LRRC4C: variants seen among roughly 807,000 people sequenced by gnomAD.
LRRC4C encodes leucine-rich repeat-containing protein 4C.
A neutral mutation model predicts 33.6 loss-of-function variants in LRRC4C; 5 were observed. The ratio of observed to expected loss-of-function variants is 0.15; its 90% CI spans 0.08 to 0.31. LRRC4C has a LOEUF of 0.31. Among genes scored for constraint, LRRC4C ranks in the 10% least tolerant of loss-of-function variants. LRRC4C has a pLI of 1.00. For synonymous variants in LRRC4C, 329 were observed against 302.0 expected (o/e 1.09, Z -0.93); for missense variants, 560 against 796.7 (o/e 0.70, Z 3.58).
chr11:41,188,118 G>A (rs755508066), intron 1 of LRRC4C, among the ~76,000 whole-genome samples: 8 of 151,894 alleles, frequency 5.3e-5, no homozygotes, highest in Non-Finnish European at 1.2e-4. Flanking sequence ...ACTTTGGATT[G>A]AAGATACCCT....
chr11:40,168,625 A>G (rs1003909018), intron 5 of LRRC4C, among the ~76,000 whole-genome samples: 7 of 152,194 alleles, frequency 4.6e-5, no homozygotes, highest in African/African-American at 1.4e-4. Flanking sequence ...GAAGGGTCAG[A>G]TGGGGAAGAG....
intron 2 of LRRC4C, among the ~76,000 whole-genome samples, chr11:40,768,248 C>T (rs1418526617): frequency 2.0e-5 from 3 of 151,930 alleles, no homozygotes; most frequent in Non-Finnish European, 1.5e-5. Flanking sequence ...ACCCATACAA[C>T]CTACCAAGAG....
intron 1 of LRRC4C, among the ~76,000 whole-genome samples, chr11:40,969,599 A>G (rs1851587692): frequency 6.6e-6 from 1 of 152,192 alleles, no homozygotes; most frequent in Non-Finnish European, 1.5e-5. Flanking sequence ...AACTATCAAT[A>G]TCAATGCAAG....
chr11:40,968,927 G>A (rs550282717), intron 1 of LRRC4C, among the ~76,000 whole-genome samples: 1 of 152,196 alleles, frequency 6.6e-6, no homozygotes, highest in East Asian at 1.9e-4. Context: ...CTGCCAAGAC[G>A]TTTTATTTAA....
intron 3 of LRRC4C, among the ~76,000 whole-genome samples, chr11:40,525,723 C>CTTTT (rs112163235): frequency 6.8e-6 from 1 of 146,972 alleles, no homozygotes; most frequent in African/African-American, 2.5e-5. Context: ...ACTTCAGCAA[C>CTTTT]TTTTTTTTTT....
At chr11:40,204,158 T>G (rs1862975720) in intron 5 of LRRC4C, among the ~76,000 whole-genome samples, 1 of 152,116 alleles carries the variant, frequency 6.6e-6, no homozygotes, top group Non-Finnish European at 1.5e-5. Flanking sequence ...CTGGAATGCC[T>G]AACCTCAAGC....
intron 3 of LRRC4C, among the ~76,000 whole-genome samples, chr11:40,615,263 TATACACAC>T (rs1410568821): frequency 6.0e-5 from 3 of 50,302 alleles, no homozygotes; most frequent in Admixed American, 5.5e-4. Flanking sequence ...TATATATATA[TATACACAC>T]ACACACACAT....
chr11:40,392,447 A>T (rs563212181), intron 3 of LRRC4C, among the ~76,000 whole-genome samples: 1 of 152,222 alleles, frequency 6.6e-6, no homozygotes, highest in Admixed American at 6.5e-5. Flanking sequence ...AACTCTTTGT[A>T]TGTTCTGCAG....
intron 1 of LRRC4C, among the ~76,000 whole-genome samples, chr11:41,283,510 A>G (rs1949732604): frequency 6.6e-6 from 1 of 152,216 alleles, no homozygotes; most frequent in African/African-American, 2.4e-5. Flanking sequence ...GGTTGAAAAA[A>G]CAAATTAAAA....
At chr11:40,747,317 A>G (rs1948477884) in intron 2 of LRRC4C, among the ~76,000 whole-genome samples, 1 of 152,204 alleles carries the variant, frequency 6.6e-6, no homozygotes, top group Admixed American at 6.5e-5. Flanking sequence ...TATATAGTCA[A>G]ATACAGAGGC....
intron 1 of LRRC4C, among the ~76,000 whole-genome samples, chr11:41,323,880 T>C (rs1312709362): frequency 1.3e-5 from 2 of 152,226 alleles, no homozygotes; most frequent in African/African-American, 4.8e-5. Flanking sequence ...TTATATTTTA[T>C]ATAAGGGGAC....
chr11:40,351,747 T>TAAATAA (rs1282172151), intron 3 of LRRC4C: 2 of 130,178 alleles, frequency 1.5e-5, no homozygotes, highest in Non-Finnish European at 3.4e-5. Context: ...TTATATCCTC[T>TAAATAA]TGCTGATTTG....
intron 3 of LRRC4C, among the ~76,000 whole-genome samples, chr11:40,540,263 C>T (rs148384819): frequency 9.2e-5 from 14 of 152,246 alleles, no homozygotes; most frequent in African/African-American, 3.1e-4. Context: ...TCTGTTGTAG[C>T]GCTGGCAGTT....
At chr11:40,268,429 G>A (rs1173061218) in intron 4 of LRRC4C, among the ~76,000 whole-genome samples, 1 of 152,016 alleles carries the variant, frequency 6.6e-6, no homozygotes, top group Non-Finnish European at 1.5e-5. Context: ...TTTATATTAG[G>A]AAAATATTGC....
chr11:41,414,651 C>T (rs895000643), intron 1 of LRRC4C, among the ~76,000 whole-genome samples: 8 of 151,840 alleles, frequency 5.3e-5, no homozygotes, highest in African/African-American at 1.9e-4. Flanking sequence ...AGAATGGCCT[C>T]TGGAAAAACC....
At chr11:40,513,032 G>C (rs1178285674) in intron 3 of LRRC4C, among the ~76,000 whole-genome samples, 1 of 151,666 alleles carries the variant, frequency 6.6e-6, no homozygotes, top group Non-Finnish European at 1.5e-5. Flanking sequence ...GGCAGATCAC[G>C]AGGTCAGGAG....
rs547302522 is a variant in LRRC4C at position 40,647,059 on chromosome 11, T to C, written c.-270+1083A>G. ...CCAAACAAAGTGATATCTCTGAAGA[T>C]AGATTAACATATCTTCCATTCAGCT... On this transcript the variant is annotated intron_variant, in intron 3 of 6. Transcript: ENST00000528697. Among the ~76,000 whole-genome samples, 172 of 152,348 alleles carry C rather than the reference T, an allele frequency of 1.1e-3. 1 individual carries two copies. Among genetic ancestry groups the C allele is most frequent in the Non-Finnish European group, 1.8e-3 (122 of 68,034 alleles).
intron 2 of LRRC4C, among the ~76,000 whole-genome samples, chr11:40,806,695 T>A (rs1951266063): frequency 1.3e-5 from 2 of 152,192 alleles, no homozygotes; most frequent in Admixed American, 1.3e-4. Context: ...TACATGTGAG[T>A]CACATATCTG....
At chr11:41,450,053 A>G (rs909627775) in intron 1 of LRRC4C, among the ~76,000 whole-genome samples, 2 of 152,180 alleles carry the variant, frequency 1.3e-5, no homozygotes, top group Non-Finnish European at 2.9e-5. Flanking sequence ...AAAAGAAAAA[A>G]TTAGGCTGAA....
Sources: allele counts gnomAD v4.1 joint callset (sites outside exome capture counted in the v4.1 genomes callset), GRCh38; gene constraint gnomAD v4.1.1; transcripts MANE v1.5; gene names NCBI Gene and HGNC (gene_info 2026-07-23, HGNC 2026-07-21).